The following PLD5 variants were observed in gnomAD, a reference collection of about 807,000 sequenced individuals.
PLD5 encodes the protein phospholipase D family member 5.
In PLD5, 36 loss-of-function variants were observed where a neutral mutation model predicts 61.1. The observed-to-expected ratio is 0.59, with a 90% CI of 0.45 to 0.78. PLD5 has a LOEUF of 0.78. PLD5 is among the 30% of genes least tolerant of loss of function. The pLI is 0.00. For synonymous variants in PLD5, 243 were observed against 242.8 expected (o/e 1.00, Z -0.01); for missense variants, 515 against 644.4 (o/e 0.80, Z 2.17).
At chr1:242,525,558 G>A (rs1313380582), upstream of PLD5, among the ~76,000 whole-genome samples, 3 of 152,182 alleles carry the variant, frequency 2.0e-5, no homozygotes, top group Non-Finnish European at 4.4e-5. Context: ...GCTATCTTTG[G>A]AGTCAACCTC....
At position 242,489,209 on chromosome 1, in the gene PLD5, GT is replaced by G. The variant is rs943650407; in HGVS notation, c.189+34878del. On this transcript the variant is annotated intron_variant, in intron 1 of 9. Transcript: ENST00000536534. Reference sequence around the variant, plus strand: ...ATCAGTGGCAGAGAGCTGGGAAAGGGTTTTTTTCAGAGGAGCATGAGTGAGT... The same window carrying G: ...ATCAGTGGCAGAGAGCTGGGAAAGGGTTTTTTCAGAGGAGCATGAGTGAGT... Among the ~76,000 whole-genome samples, 3 of 152,154 alleles carry G rather than the reference GT, an allele frequency of 2.0e-5. No homozygotes were observed. The South Asian group carries it at 6.2e-4, about 32-fold the overall frequency.
At chr1:242,459,465 G>A (rs116217936) in intron 1 of PLD5, among the ~76,000 whole-genome samples, 2,845 of 152,180 alleles carry the variant, frequency 0.019, 93 homozygotes, top group African/African-American at 0.064. Flanking sequence ...TGTGCTACTG[G>A]TTTATTGTTC....
At chr1:242,112,967 C>T (rs1473303272) in intron 7 of PLD5, among the ~76,000 whole-genome samples, 2 of 152,134 alleles carry the variant, frequency 1.3e-5, no homozygotes, top group African/African-American at 4.8e-5. Flanking sequence ...TCCGTGTTTG[C>T]ATGCTTAAGC....
rs1221097586 is a variant in PLD5, at chr1:242,429,128, G to A, written c.190-80886C>T. ...CGAAAAAGTCATCTGATGAGAAATC[G>A]GAATGCCACGAATAATATTGAAATG... On this transcript the variant is annotated intron_variant, in intron 1 of 9. Transcript: ENST00000536534. 2.6e-5 allele frequency among the ~76,000 whole-genome samples: 4 copies of A among 152,148 alleles called. No homozygotes were observed. The East Asian group carries it at 5.8e-4, about 22-fold the overall frequency.
intron 4 of PLD5, among the ~76,000 whole-genome samples, chr1:242,240,462 G>T (rs183599230): frequency 8.0e-4 from 122 of 152,314 alleles, no homozygotes; most frequent in African/African-American, 2.8e-3. Flanking sequence ...ATTTAATAGC[G>T]AATGTAATGA....
At position 242,452,213 on chromosome 1, in the gene PLD5, CT is replaced by C. The variant is rs571263476; in HGVS notation, c.189+71874del. ...TCATACAGTGTACTGGCATTTTGGA[CT>C]TTTTTTTTTCAAATAAGTTAACCTA... On this transcript the variant is annotated intron_variant, in intron 1 of 9. Transcript: ENST00000536534. Among the ~76,000 whole-genome samples, 355 of 149,380 alleles carry C rather than the reference CT, an allele frequency of 2.4e-3. 1 individual carries two copies. The highest frequency in any genetic ancestry group is 2.2e-3 in the Non-Finnish European group (149 of 67,148).
chr1:242,520,110 C>A (rs1299777432), intron 1 of PLD5, among the ~76,000 whole-genome samples: 1 of 152,162 alleles, frequency 6.6e-6, no homozygotes, highest in Non-Finnish European at 1.5e-5. Flanking sequence ...TGACCATGAA[C>A]CTTTCTTTGG....
chr1:242,511,681 G>A (rs1668914334), intron 1 of PLD5, among the ~76,000 whole-genome samples: 1 of 152,148 alleles, frequency 6.6e-6, no homozygotes, highest in Admixed American at 6.5e-5. Context: ...GAAAAATAAG[G>A]AAAGCTTGAG....
At chr1:242,152,992 A>G (rs1665056667) in intron 5 of PLD5, among the ~76,000 whole-genome samples, 1 of 152,070 alleles carries the variant, frequency 6.6e-6, no homozygotes, top group Non-Finnish European at 1.5e-5. Context: ...AAGTGTTCCT[A>G]TTTCTCCACA....
intron 5 of PLD5, among the ~76,000 whole-genome samples, chr1:242,168,846 G>GTTTTTGTTTTTTTTTTTTTTTTTT (rs1666519562): frequency 9.0e-6 from 1 of 111,266 alleles, no homozygotes; most frequent in African/African-American, 3.7e-5. Flanking sequence ...AATTAATGAA[G>GTTTTTGTTTTTTTTTTTTTTTTTT]TTTTTTTTTT....
chr1:242,286,995 C>G (rs189157816), intron 3 of PLD5, among the ~76,000 whole-genome samples: 5 of 152,228 alleles, frequency 3.3e-5, no homozygotes, highest in Admixed American at 3.3e-4. Context: ...AATCCTCATT[C>G]CTGTACTTGG....
At chr1:242,194,847 A>T (rs1275144192) in intron 5 of PLD5, among the ~76,000 whole-genome samples, 2 of 152,116 alleles carry the variant, frequency 1.3e-5, no homozygotes, top group East Asian at 3.9e-4. Context: ...AAGGCATAAC[A>T]ATGACAATAG....
intron 1 of PLD5, among the ~76,000 whole-genome samples, chr1:242,503,968 T>C (rs1176932440): frequency 6.6e-6 from 1 of 152,176 alleles, no homozygotes; most frequent in Non-Finnish European, 1.5e-5. Flanking sequence ...ATTTAAGACA[T>C]TCTGCCTTGG....
chr1:242,416,207 T>A (rs1388769868), intron 1 of PLD5, among the ~76,000 whole-genome samples: 1 of 151,958 alleles, frequency 6.6e-6, no homozygotes, highest in Non-Finnish European at 1.5e-5. Context: ...ATTCTCAGTA[T>A]GGGAAAAAGA....
chr1:242,342,218 G>A (rs1363950898), intron 2 of PLD5, among the ~76,000 whole-genome samples: 1 of 152,192 alleles, frequency 6.6e-6, no homozygotes, highest in African/African-American at 2.4e-5. Context: ...CTCTTCTAGT[G>A]AGTGTCTAAT....
intron 5 of PLD5, among the ~76,000 whole-genome samples, chr1:242,171,213 G>A (rs1666726588): frequency 1.3e-5 from 2 of 152,324 alleles, no homozygotes; most frequent in East Asian, 3.9e-4. Context: ...CTACAAGCCA[G>A]AAGAGAGTGG....
chr1:242,473,718 A>G (rs1300321828), intron 1 of PLD5, among the ~76,000 whole-genome samples: 1 of 152,244 alleles, frequency 6.6e-6, no homozygotes, highest in Non-Finnish European at 1.5e-5. Flanking sequence ...AATGTCTGTC[A>G]TCTTCCTGGG....
chr1:242,130,541 G>A (rs1663155916), intron 5 of PLD5, among the ~76,000 whole-genome samples: 1 of 152,176 alleles, frequency 6.6e-6, no homozygotes, highest in Admixed American at 6.5e-5. Context: ...TTCCATAGAG[G>A]TTGTATTAAC....
chr1:242,524,753 A>C, upstream of PLD5: 1 of 80,066 alleles, frequency 1.2e-5, no homozygotes, highest in East Asian at 3.8e-4. Flanking sequence ...GTGCGGTGGG[A>C]GGGGCCGCGG....
Sources: gnomAD v4.1 joint callset for allele counts (sites outside exome capture counted in the v4.1 genomes callset) on GRCh38, gnomAD v4.1.1 for gene constraint, MANE v1.5 for transcripts, NCBI Gene and HGNC (gene_info 2026-07-23, HGNC 2026-07-21) for gene names.